Variants in DUSP29 observed in about 807,000 individuals in gnomAD.
DUSP29 encodes the protein atypical dual-specific protein phosphatase.
DUSP29 carries 12 observed loss-of-function variants against 13.5 expected under a neutral mutation model. The observed-to-expected ratio is 0.89, with a 90% CI of 0.57 to 1.44. DUSP29 has a LOEUF of 1.44. Among genes scored for constraint, DUSP29 ranks in the 40% most tolerant of loss-of-function variants. The probability of loss-of-function intolerance (pLI) is 0.00; values close to 1 mark genes in which losing one functional copy is unlikely to be tolerated. For missense variants in DUSP29, 308 were observed against 301.1 expected, an observed-to-expected ratio of 1.02 and a Z score of -0.17; for synonymous variants, 134 against 128.7, an observed-to-expected ratio of 1.04 and a Z score of -0.28.
chr10:75,041,630 T>A (rs924245537), intron 3 of DUSP29, among the ~76,000 whole-genome samples: 4 of 152,200 alleles, frequency 2.6e-5, no homozygotes, highest in African/African-American at 9.6e-5. Context: ...GATATGCCAG[T>A]GCAAAGGTGC....
chr10:75,071,440 C>A (rs1847326191), intron 1 of DUSP29, among the ~76,000 whole-genome samples: 1 of 152,194 alleles, frequency 6.6e-6, no homozygotes, highest in Admixed American at 6.5e-5. Flanking sequence ...CAGCCCCTGG[C>A]CTCAGGGCCT....
At chr10:75,067,932 C>G (rs899656783) in intron 1 of DUSP29, among the ~76,000 whole-genome samples, 1 of 152,164 alleles carries the variant, frequency 6.6e-6, no homozygotes, top group African/African-American at 2.4e-5. Context: ...CCTGCCTCAG[C>G]CTCCAGGGTA....
At chr10:75,068,242 G>A (rs763421342) in intron 1 of DUSP29, among the ~76,000 whole-genome samples, 7 of 152,008 alleles carry the variant, frequency 4.6e-5, no homozygotes, top group Admixed American at 1.3e-4. Flanking sequence ...AGGCTGAGGC[G>A]GGAGGATTGC....
intron 3 of DUSP29, among the ~76,000 whole-genome samples, chr10:75,038,531 G>A (rs1039210844): frequency 6.6e-6 from 1 of 152,134 alleles, no homozygotes; most frequent in Non-Finnish European, 1.5e-5. Context: ...GGAGGCTGCC[G>A]GGCCTCTGGC....
intron 2 of DUSP29, among the ~76,000 whole-genome samples, chr10:75,056,273 A>G (rs1388597196): frequency 6.6e-6 from 1 of 151,964 alleles, no homozygotes; most frequent in Non-Finnish European, 1.5e-5. Context: ...CACACCTTTA[A>G]TCCCAGCACT....
rs770884258 is a variant in DUSP29 at position 75,043,978 on chromosome 10, C to A, written c.240G>T (p.Gly80=). 8.1e-6 allele frequency: 13 copies of A among 1,612,858 alleles called. No individual in the cohort carries two copies. Among genetic ancestry groups the A allele is most frequent in the Non-Finnish European group, 1.1e-5 (13 of 1,179,928 alleles). ...ALDRYRLQKA[G]FTHVLNAAHG... is the part of the protein sequence containing the mutation. ...GGGCCGCGTTCAGCACGTGCGTGAACCCCGCCTTCTGCAGCCTATAGCGGT... is the reference window on the plus strand; with the variant it reads ...GGGCCGCGTTCAGCACGTGCGTGAAACCCGCCTTCTGCAGCCTATAGCGGT... The change falls in exon 3 of 4, where the codon GGG becomes GGT. Residue 80 remains glycine, a synonymous_variant. Transcript: ENST00000338487.
intron 1 of DUSP29, among the ~76,000 whole-genome samples, chr10:75,072,634 G>A (rs1847355623): frequency 1.3e-5 from 2 of 152,098 alleles, no homozygotes; most frequent in Non-Finnish European, 2.9e-5. Flanking sequence ...AGCTAAAGGT[G>A]GGGGCAGCGG....
rs145900963 is a variant in DUSP29, at chr10:75,058,251, G to A, written c.200+64C>T. The A allele has an allele frequency of 9.7e-4, 1,494 of 1,543,170 alleles. 35 individuals are homozygous for A. In the Admixed American group the frequency reaches 0.027, roughly 27 times the overall value. ...CCAAAGCCCATGGCTAGGAGGTGGC[G>A]CAGGGCGTGGCCTGGGGAGGGGCTG... On this transcript the variant is annotated intron_variant, in intron 2 of 3. Coordinates refer to ENST00000338487, the MANE Select transcript of DUSP29 (RefSeq NM_001003892.3).
Position 75,058,372 on chromosome 10 carries a change from C to T in DUSP29, c.143G>A (p.Gly48Asp), listed in dbSNP as rs1847012516. The T allele has an allele frequency of 2.5e-6, 4 of 1,614,226 alleles. No homozygotes were observed. Among genetic ancestry groups the T allele is most frequent in the Non-Finnish European group, 3.4e-6 (4 of 1,180,034 alleles). The part of the protein sequence containing the change: ...AFELERLFWK[G>D]SPQYTHVNEV... Reference sequence around the variant, plus strand: ...GTTGACGTGGGTGTACTGGGGACTGCCCTTCCAGAAGAGCCGCTCCAGCTC... The same window carrying T: ...GTTGACGTGGGTGTACTGGGGACTGTCCTTCCAGAAGAGCCGCTCCAGCTC... Residue 48 changes from glycine (G) to aspartate (D), a missense_variant, in exon 2 of 4, where the codon GGC (glycine) becomes GAC (aspartate). Coordinates refer to ENST00000338487, the MANE Select transcript of DUSP29 (RefSeq NM_001003892.3).
Position 75,068,112 on chromosome 10 carries a change from C to T in DUSP29, c.-35+5457G>A, listed in dbSNP as rs866334218. 2.0e-5 allele frequency among the ~76,000 whole-genome samples: 3 copies of T among 152,174 alleles called. No homozygotes were observed. In the South Asian group the frequency reaches 6.2e-4, roughly 32 times the overall value. ...ATAGGCATGAGCCACTGCACCTAGCCTTCTGCAAGAAAATTTTTAAAAATT... is the reference window on the plus strand; with the variant it reads ...ATAGGCATGAGCCACTGCACCTAGCTTTCTGCAAGAAAATTTTTAAAAATT... On this transcript the variant is annotated intron_variant, in intron 1 of 3. Coordinates refer to ENST00000338487, the MANE Select transcript of DUSP29 (RefSeq NM_001003892.3).
chr10:75,060,753 G>C (rs1396430399), intron 1 of DUSP29, among the ~76,000 whole-genome samples: 1 of 152,170 alleles, frequency 6.6e-6, no homozygotes, highest in Non-Finnish European at 1.5e-5. Context: ...GAGATGGTCA[G>C]ACATCATATG....
chr10:75,053,690 A>G (rs1589862822), intron 2 of DUSP29, among the ~76,000 whole-genome samples: 1 of 147,236 alleles, frequency 6.8e-6, no homozygotes, highest in Non-Finnish European at 1.5e-5. Context: ...CTGACTGACC[A>G]TGTTTTTTTT....
At chr10:75,073,342 T>C (rs1361213915) in intron 1 of DUSP29, among the ~76,000 whole-genome samples, 1 of 152,166 alleles carries the variant, frequency 6.6e-6, no homozygotes, top group Admixed American at 6.5e-5. Flanking sequence ...CCTTTAGAAA[T>C]GGTCGTTGAA....
At position 75,058,520 on chromosome 10, in the gene DUSP29, A is replaced by G. The variant is rs1847018434; in HGVS notation, c.-6T>C. The G allele has an allele frequency of 1.2e-6, 2 of 1,613,836 alleles. No individual in the cohort carries two copies. The highest frequency in any genetic ancestry group is 1.7e-5 in the Admixed American group (1 of 60,000). ...TTCACTTCTCCAGATGTCATTTTAGAGCCAAGGGATTTTCTCTCCTTTCTG... is the reference window on the plus strand; with the variant it reads ...TTCACTTCTCCAGATGTCATTTTAGGGCCAAGGGATTTTCTCTCCTTTCTG... On this transcript the variant is annotated 5_prime_UTR_variant, in exon 2 of 4. Transcript: ENST00000338487.
chr10:75,053,247 C>G (rs935246302), intron 2 of DUSP29, among the ~76,000 whole-genome samples: 2 of 152,180 alleles, frequency 1.3e-5, no homozygotes, highest in Admixed American at 6.5e-5. Context: ...ACATTCATCC[C>G]CTATATTCCA....
In DUSP29 at chr10:75,060,708, CTG is replaced by C. The variant is rs1847070196; in HGVS notation, c.-34-2162_-34-2161del. 2.0e-5 allele frequency among the ~76,000 whole-genome samples: 3 copies of C among 152,112 alleles called. No homozygotes were observed. In the South Asian group the frequency reaches 6.2e-4, roughly 32 times the overall value. ...CCTGATGAGTTGCTGCATCCAGAGA[CTG>C]AGCATAAACTGCCAGCCACGTATGA... On this transcript the variant is annotated intron_variant, in intron 1 of 3. Transcript: ENST00000338487.
rs777934793 is a variant in DUSP29 at position 75,058,448 on chromosome 10, T to C, written c.67A>G (p.Lys23Glu). The C allele has an allele frequency of 1.2e-6, 2 of 1,614,114 alleles. No individual in the cohort carries two copies. The highest frequency in any genetic ancestry group is 1.7e-6 in the Non-Finnish European group (2 of 1,180,050). Residue 23 changes from lysine to glutamate, a missense_variant, in exon 2 of 4, where the codon AAG (lysine) becomes GAG (glutamate). Transcript: ENST00000338487. ...AYSSAKRLSP[K>E]MEEEGEEEDY... ...TCCTCCTCCCCTTCCTCCTCCATCT[T>C]CGGCGACAGCCTCTTGGCAGATGAG...
intron 2 of DUSP29, among the ~76,000 whole-genome samples, chr10:75,050,564 CAAATA>C (rs1409532452): frequency 6.6e-6 from 1 of 152,332 alleles, no homozygotes; most frequent in East Asian, 1.9e-4. Context: ...CTTTATTTTA[CAAATA>C]AAGAAACTGA....
At chr10:75,050,654 C>T (rs865964395) in intron 2 of DUSP29, among the ~76,000 whole-genome samples, 2 of 152,366 alleles carry the variant, frequency 1.3e-5, no homozygotes, top group Middle Eastern at 3.4e-3. Context: ...GGGACTGGGA[C>T]GCTGTGCCGA....
Sources: allele counts gnomAD v4.1 joint callset (sites outside exome capture counted in the v4.1 genomes callset), GRCh38; gene constraint gnomAD v4.1.1; transcripts MANE v1.5; gene names NCBI Gene and HGNC (gene_info 2026-07-23, HGNC 2026-07-21).